The following INSL6 variants were observed in gnomAD, a reference collection of about 807,000 sequenced individuals.
INSL6 encodes insulin like 6.
INSL6 carries 16 observed loss-of-function variants against 9.4 expected under a neutral mutation model. The observed-to-expected ratio is 1.70, with a 90% CI of 1.15 to 2.59. The LOEUF (loss-of-function observed/expected upper bound fraction) is 2.59. Ranked by LOEUF, INSL6 falls within the 30% of genes most tolerant of loss-of-function variation. INSL6 has a pLI of 0.00. For missense variants in INSL6, 391 were observed against 257.3 expected, an observed-to-expected ratio of 1.52 and a Z score of -3.56; for synonymous variants, 154 against 96.9, an observed-to-expected ratio of 1.59 and a Z score of -3.46.
chr9:5,092,990 G>C, the INSL6 span, among the ~76,000 whole-genome samples: 46 of 152,258 alleles, frequency 3.0e-4, no homozygotes, highest in African/African-American at 9.6e-4. Context: ...AATTAAGAAA[G>C]TGTTCAAGCT....
chr9:5,109,113 A>C, the INSL6 span: 1 of 152,162 alleles, frequency 6.6e-6, no homozygotes, highest in Admixed American at 6.5e-5. Flanking sequence ...TACAGGACTT[A>C]ATATACTAAT....
chr9:5,112,517 C>A, the INSL6 span: 2 of 581,522 alleles, frequency 3.4e-6, no homozygotes, highest in Middle Eastern at 3.3e-4. Context: ...CTTTTCCCCC[C>A]AGAGCAGAAG....
chr9:5,002,978 T>A, the INSL6 span, among the ~76,000 whole-genome samples: 1 of 152,014 alleles, frequency 6.6e-6, no homozygotes. Context: ...CTAAGCCACA[T>A]GTTTTGAAAT....
intron 2 of INSL6, among the ~76,000 whole-genome samples, chr9:5,140,910 G>A (rs1310340194): frequency 6.6e-6 from 1 of 151,928 alleles, no homozygotes; most frequent in East Asian, 1.9e-4. Flanking sequence ...CCCTCTTTGT[G>A]TCCCTGTATT....
chr9:5,076,535 T>C, the INSL6 span, among the ~76,000 whole-genome samples: 1 of 152,172 alleles, frequency 6.6e-6, no homozygotes, highest in Non-Finnish European at 1.5e-5. Flanking sequence ...TTTGTTTTTT[T>C]TAAGATATAA....
chr9:5,069,637 G>C, the INSL6 span, among the ~76,000 whole-genome samples: 2 of 151,860 alleles, frequency 1.3e-5, no homozygotes, highest in Non-Finnish European at 2.9e-5. Context: ...TATGAGTTAA[G>C]GAAGTTACTA....
intron 1 of INSL6, among the ~76,000 whole-genome samples, chr9:5,164,744 T>C (rs1036749738): frequency 6.6e-6 from 1 of 152,246 alleles, no homozygotes; most frequent in Non-Finnish European, 1.5e-5. Flanking sequence ...ATACATGACC[T>C]TTTGTGTCTG....
the INSL6 span, among the ~76,000 whole-genome samples, chr9:5,025,156 CTGGGAG>C: frequency 2.8e-3 from 430 of 151,300 alleles, no homozygotes; most frequent in African/African-American, 0.01. Flanking sequence ...TTTCCTGTTT[CTGGGAG>C]AAGGATAGGT....
the INSL6 span, chr9:5,069,317 A>G: frequency 1.5e-6 from 1 of 685,548 alleles, no homozygotes; most frequent in East Asian, 2.8e-5. Flanking sequence ...AAGCAGCTCT[A>G]AAAGTTAATT....
chr9:5,179,423 G>A lies in INSL6; in HGVS notation c.289+5891C>T, dbSNP rs149104459. Among the ~76,000 whole-genome samples, 179 of 152,304 alleles carry A rather than the reference G, an allele frequency of 1.2e-3. 1 individual carries two copies. Among genetic ancestry groups the A allele is most frequent in the African/African-American group, 4.3e-3 (177 of 41,556 alleles). ...ACTGTTGGTAGGGTTCAACCATTGT[G>A]GAAGACAGTGTGGTGATTTCTCAAA... On this transcript the variant is annotated intron_variant, in intron 1 of 1. Coordinates refer to ENST00000381641, the MANE Select transcript of INSL6 (RefSeq NM_007179.3).
chr9:5,184,768 G>T (rs183507214), intron 1 of INSL6, among the ~76,000 whole-genome samples: 1 of 152,158 alleles, frequency 6.6e-6, no homozygotes, highest in African/African-American at 2.4e-5. Flanking sequence ...CCTATCTCCT[G>T]GTACGTGACC....
the INSL6 span, among the ~76,000 whole-genome samples, chr9:4,996,567 G>C: frequency 6.6e-6 from 1 of 151,442 alleles, no homozygotes; most frequent in South Asian, 2.1e-4. Context: ...TAGATTTTTT[G>C]GTTTTTTTGA....
the INSL6 span, among the ~76,000 whole-genome samples, chr9:5,103,506 G>T: frequency 6.6e-6 from 1 of 152,064 alleles, no homozygotes; most frequent in Non-Finnish European, 1.5e-5. Flanking sequence ...ATAATAGACA[G>T]ATCAATGAGA....
At chr9:5,163,447 G>A (rs984027048), downstream of INSL6, among the ~76,000 whole-genome samples, 2 of 152,174 alleles carry the variant, frequency 1.3e-5, no homozygotes, top group African/African-American at 4.8e-5. Context: ...AATTAGAAGT[G>A]TAACTACTAT....
chr9:5,065,354 C>G, the INSL6 span, among the ~76,000 whole-genome samples: 18 of 152,134 alleles, frequency 1.2e-4, no homozygotes, highest in Admixed American at 3.3e-4. Context: ...TTTTAAAATA[C>G]TGCAAGGAAG....
chr9:5,029,771 C>T, the INSL6 span: 2 of 1,598,406 alleles, frequency 1.3e-6, no homozygotes, highest in Middle Eastern at 1.7e-4. Flanking sequence ...CCTTTCTCTG[C>T]TTCTTTTCTA....
the INSL6 span, chr9:5,110,471 A>G: frequency 6.5e-6 from 1 of 152,756 alleles, no homozygotes; most frequent in Admixed American, 6.5e-5. Context: ...CCTTTTTTAA[A>G]GCTATATTAT....
At chr9:5,041,582 G>A in the INSL6 span, 3 of 503,268 alleles carry the variant, frequency 6.0e-6, no homozygotes, top group Non-Finnish European at 8.0e-6. Context: ...ACTACGTGCG[G>A]CGCCTGGACT....
chr9:5,051,979 ACATT>A, the INSL6 span, among the ~76,000 whole-genome samples: 2 of 152,112 alleles, frequency 1.3e-5, no homozygotes, highest in Non-Finnish European at 2.9e-5. Context: ...AAAAAAAAAC[ACATT>A]CATTCATTCA....
Sources: allele counts gnomAD v4.1 joint callset (sites outside exome capture counted in the v4.1 genomes callset), GRCh38; gene constraint gnomAD v4.1.1; transcripts MANE v1.5; gene names NCBI Gene and HGNC (gene_info 2026-07-23, HGNC 2026-07-21).